Variants in WDPCP observed in about 807,000 individuals in gnomAD.
WDPCP encodes WD repeat-containing and planar cell polarity effector protein fritz homolog.
In WDPCP, 71 loss-of-function variants were observed where a neutral mutation model predicts 93.1. That is an observed-to-expected ratio of 0.76 (90% CI 0.63 to 0.93). The LOEUF (loss-of-function observed/expected upper bound fraction) is 0.93. Among genes scored for constraint, WDPCP ranks in the 40% least tolerant of loss-of-function variants. WDPCP has a pLI of 0.00. For missense variants in WDPCP, 844 were observed against 887.4 expected, an observed-to-expected ratio of 0.95 and a Z score of 0.62; for synonymous variants, 315 against 315.0, an observed-to-expected ratio of 1.00 and a Z score of 0.00.
At chr2:63,838,516 C>T in the WDPCP span, among the ~76,000 whole-genome samples, 1 of 152,190 alleles carries the variant, frequency 6.6e-6, no homozygotes, top group Non-Finnish European at 1.5e-5. Flanking sequence ...CCATTTCACT[C>T]CAGCTCCTTA....
At chr2:63,265,394 T>G (rs1682018225) in intron 13 of WDPCP, among the ~76,000 whole-genome samples, 1 of 152,046 alleles carries the variant, frequency 6.6e-6, no homozygotes, top group African/African-American at 2.4e-5. Flanking sequence ...ACTACTACTA[T>G]GAACAGCTGT....
intron 12 of WDPCP, among the ~76,000 whole-genome samples, chr2:63,353,182 C>A (rs1340670822): frequency 2.0e-5 from 3 of 152,090 alleles, no homozygotes; most frequent in Non-Finnish European, 4.4e-5. Context: ...TGAACCCACT[C>A]CACCGGGGCC....
chr2:63,532,345 A>C (rs10084358), intron 1 of WDPCP, among the ~76,000 whole-genome samples: 22 of 152,264 alleles, frequency 1.4e-4, no homozygotes, highest in Admixed American at 2.0e-4. Context: ...CATTCAAATT[A>C]AGGAAATACA....
At chr2:63,424,468 C>T (rs1238756584) in intron 9 of WDPCP, among the ~76,000 whole-genome samples, 1 of 152,132 alleles carries the variant, frequency 6.6e-6, no homozygotes, top group Non-Finnish European at 1.5e-5. Context: ...CCCCGCTTGG[C>T]CACTCCTGCA....
At chr2:63,769,843 G>T (rs1670199368) in intron 2 of WDPCP, among the ~76,000 whole-genome samples, 1 of 151,920 alleles carries the variant, frequency 6.6e-6, no homozygotes, top group Non-Finnish European at 1.5e-5. Context: ...CTAATTCTGT[G>T]TGAGGGATAC....
chr2:63,593,585 C>A (rs1404184669), upstream of WDPCP: 2 of 471,456 alleles, frequency 4.2e-6, no homozygotes, highest in Admixed American at 4.7e-5. Context: ...AGAAACCAAA[C>A]ACTTCTGGGC....
chr2:63,594,513 C>A, intron 3 of WDPCP: 1 of 1,613,648 alleles, frequency 6.2e-7, no homozygotes, highest in Non-Finnish European at 8.5e-7. Context: ...GTCCTTGTGA[C>A]TGGAGCAGCT....
chr2:63,218,960 G>T (rs1202766643), intron 14 of WDPCP, among the ~76,000 whole-genome samples: 2 of 152,160 alleles, frequency 1.3e-5, no homozygotes, highest in Non-Finnish European at 2.9e-5. Context: ...CTTAAAACCT[G>T]ACACAAAACA....
intron 14 of WDPCP, among the ~76,000 whole-genome samples, chr2:63,256,435 AAG>A (rs1329688766): frequency 6.6e-6 from 1 of 152,316 alleles, no homozygotes; most frequent in East Asian, 1.9e-4. Context: ...TAAAATAAAA[AAG>A]AGAGACAATA....
At chr2:63,308,417 C>A (rs568656348) in intron 13 of WDPCP, among the ~76,000 whole-genome samples, 2 of 152,198 alleles carry the variant, frequency 1.3e-5, no homozygotes, top group Non-Finnish European at 2.9e-5. Flanking sequence ...GATTATAAAT[C>A]ATTCTACTAT....
At chr2:63,768,903 C>T (rs1042645307) in intron 2 of WDPCP, among the ~76,000 whole-genome samples, 4 of 151,900 alleles carry the variant, frequency 2.6e-5, no homozygotes. Flanking sequence ...AAACAATGGG[C>T]TTTCTAGGAG....
At chr2:63,751,150 T>C (rs1282946797) in intron 2 of WDPCP, among the ~76,000 whole-genome samples, 2 of 152,212 alleles carry the variant, frequency 1.3e-5, no homozygotes, top group Non-Finnish European at 1.5e-5. Context: ...GATATAGGAC[T>C]ATTAATGTTT....
At chr2:63,371,767 G>A (rs1474134267) in intron 12 of WDPCP, among the ~76,000 whole-genome samples, 2 of 152,028 alleles carry the variant, frequency 1.3e-5, no homozygotes, top group Non-Finnish European at 2.9e-5. Flanking sequence ...GATGAATGAG[G>A]GAGAACAAGA....
chr2:63,434,611 G>A (rs538958866), intron 8 of WDPCP, among the ~76,000 whole-genome samples: 1 of 151,958 alleles, frequency 6.6e-6, no homozygotes, highest in Admixed American at 6.6e-5. Context: ...AGATTGCACC[G>A]TATTTCTGCT....
chr2:63,425,697 A>C (rs1575396829), intron 9 of WDPCP, among the ~76,000 whole-genome samples: 1 of 152,256 alleles, frequency 6.6e-6, no homozygotes, highest in East Asian at 1.9e-4. Flanking sequence ...TTTAAAAATG[A>C]GTAAAACCTC....
intron 8 of WDPCP, among the ~76,000 whole-genome samples, chr2:63,434,165 A>G (rs1460620626): frequency 6.6e-6 from 1 of 152,200 alleles, no homozygotes; most frequent in Non-Finnish European, 1.5e-5. Context: ...AAAAGGAGAA[A>G]TGTGAGCTAG....
chr2:63,689,846 A>T (rs1668864956), intron 2 of WDPCP, among the ~76,000 whole-genome samples: 1 of 152,202 alleles, frequency 6.6e-6, no homozygotes, highest in South Asian at 2.1e-4. Context: ...GGCCTATTCA[A>T]TCTTCCTTGC....
intron 13 of WDPCP, among the ~76,000 whole-genome samples, chr2:63,287,403 CCACT>C (rs1395815199): frequency 1.3e-5 from 2 of 151,932 alleles, no homozygotes; most frequent in East Asian, 3.9e-4. Context: ...TGACTTTTCT[CCACT>C]CACTCACGCT....
intron 15 of WDPCP, among the ~76,000 whole-genome samples, chr2:63,174,286 AG>A (rs1673630039): frequency 2.0e-5 from 3 of 152,224 alleles, no homozygotes; most frequent in Admixed American, 6.5e-5. Flanking sequence ...ATCATTTATC[AG>A]ATTTCAAAAA....
Sources: gnomAD v4.1 joint callset for allele counts (sites outside exome capture counted in the v4.1 genomes callset) on GRCh38, gnomAD v4.1.1 for gene constraint, MANE v1.5 for transcripts, NCBI Gene and HGNC (gene_info 2026-07-23, HGNC 2026-07-21) for gene names.